Variants in GRIA1 observed in about 807,000 individuals in gnomAD.
The protein encoded by GRIA1 is glutamate ionotropic receptor AMPA type subunit 1.
In GRIA1, 31 loss-of-function variants were observed where a neutral mutation model predicts 99.2. The ratio of observed to expected loss-of-function variants is 0.31; its 90% confidence interval spans 0.23 to 0.42. GRIA1 has a LOEUF of 0.42. Ranked by LOEUF, GRIA1 falls within the 10% of genes least tolerant of loss-of-function variation. The pLI is 1.00. For missense variants in GRIA1, 782 were observed against 1,157.5 expected (o/e 0.68, Z 4.71); for synonymous variants, 438 against 432.4 (o/e 1.01, Z -0.16).
chr5:153,491,260 G>A (rs1287418673), intron 1 of GRIA1: 1 of 1,336,132 alleles, frequency 7.5e-7, no homozygotes, highest in African/African-American at 1.5e-5. Context: ...AAAAAATCAG[G>A]CTGGAAAGGG....
intron 2 of GRIA1, among the ~76,000 whole-genome samples, chr5:153,562,834 C>T (rs1410960330): frequency 2.0e-5 from 3 of 152,154 alleles, no homozygotes; most frequent in Non-Finnish European, 2.9e-5. Flanking sequence ...TCTCCATTTA[C>T]AATTTCTTAA....
intron 10 of GRIA1, among the ~76,000 whole-genome samples, chr5:153,699,990 G>C (rs887564522): frequency 6.6e-6 from 1 of 152,192 alleles, no homozygotes; most frequent in South Asian, 2.1e-4. Context: ...GTAAAAGGTA[G>C]TATAGAATAA....
chr5:153,631,534 C>T (rs1158821556), intron 2 of GRIA1, among the ~76,000 whole-genome samples: 2 of 152,060 alleles, frequency 1.3e-5, no homozygotes, highest in African/African-American at 4.8e-5. Flanking sequence ...GAAAGGCTAT[C>T]GGATGAATCA....
At chr5:153,715,644 T>C (rs1759617256) in intron 11 of GRIA1, among the ~76,000 whole-genome samples, 1 of 152,212 alleles carries the variant, frequency 6.6e-6, no homozygotes, top group Admixed American at 6.5e-5. Context: ...CTGTAAATGC[T>C]GTTGTTATTG....
At chr5:153,572,673 G>A (rs544584219) in intron 2 of GRIA1, among the ~76,000 whole-genome samples, 1 of 152,220 alleles carries the variant, frequency 6.6e-6, no homozygotes, top group South Asian at 2.1e-4. Context: ...TACCCTTATT[G>A]CATGATTTCA....
At chr5:153,756,894 T>C (rs943039299) in intron 11 of GRIA1, among the ~76,000 whole-genome samples, 2 of 152,180 alleles carry the variant, frequency 1.3e-5, no homozygotes, top group Admixed American at 6.5e-5. Context: ...AATTCTTCAA[T>C]GTAAAGAGAT....
chr5:153,787,972 C>T (rs937808346), intron 13 of GRIA1, among the ~76,000 whole-genome samples: 8 of 151,844 alleles, frequency 5.3e-5, no homozygotes, highest in African/African-American at 1.2e-4. Flanking sequence ...CCCAGCTACT[C>T]GGGAGGCTGA....
intron 5 of GRIA1, among the ~76,000 whole-genome samples, chr5:153,665,619 C>T (rs1472828764): frequency 3.3e-5 from 5 of 152,286 alleles, no homozygotes; most frequent in African/African-American, 7.2e-5. Flanking sequence ...CACAAATTCA[C>T]ACATATCCAT....
intron 2 of GRIA1, among the ~76,000 whole-genome samples, chr5:153,614,962 A>G (rs985979767): frequency 6.6e-6 from 1 of 152,226 alleles, no homozygotes; most frequent in African/African-American, 2.4e-5. Context: ...AGAAACATCA[A>G]GTGGGTTTAC....
chr5:153,592,637 C>G (rs891791938), intron 2 of GRIA1, among the ~76,000 whole-genome samples: 12 of 152,326 alleles, frequency 7.9e-5, no homozygotes, highest in African/African-American at 2.9e-4. Context: ...GATTCCAGCT[C>G]TCATAGGGGA....
chr5:153,738,957 G>A (rs1421590798), intron 11 of GRIA1, among the ~76,000 whole-genome samples: 2 of 151,622 alleles, frequency 1.3e-5, no homozygotes, highest in African/African-American at 4.9e-5. Context: ...CCCGACCTCA[G>A]GTGATCCACC....
intron 2 of GRIA1, among the ~76,000 whole-genome samples, chr5:153,596,045 C>A (rs1389765201): frequency 6.7e-6 from 1 of 149,870 alleles, no homozygotes; most frequent in African/African-American, 2.4e-5. Context: ...AAAAACAGGT[C>A]AACACTGTCA....
intron 2 of GRIA1, among the ~76,000 whole-genome samples, chr5:153,530,096 C>T (rs537238278): frequency 4.9e-4 from 74 of 152,170 alleles, no homozygotes; most frequent in Non-Finnish European, 7.1e-4. Context: ...CCCAGCTCTG[C>T]GGATGGTCTC....
rs530530792 is a variant in GRIA1 at position 153,665,851 on chromosome 5, T to A, written c.700-8649T>A. Among the ~76,000 whole-genome samples the A allele has an allele frequency of 2.6e-5, 4 of 152,312 alleles. No individual in the cohort carries two copies. In the South Asian group the frequency reaches 8.3e-4, roughly 32 times the overall value. ...GATTTAGGACCACATCTTTCTGCCTTTTCCCTAACCTAATATGGTAACTTC... is the reference window on the plus strand; with the variant it reads ...GATTTAGGACCACATCTTTCTGCCTATTCCCTAACCTAATATGGTAACTTC... On this transcript the variant is annotated intron_variant, in intron 5 of 15. Coordinates refer to ENST00000285900, the MANE Select transcript of GRIA1 (RefSeq NM_000827.4).
In GRIA1 at chr5:153,501,690, T is replaced by A. The variant is rs560010549; in HGVS notation, c.220+7625T>A. On this transcript the variant is annotated intron_variant, in intron 2 of 15. Transcript: ENST00000285900. The stretch of plus-strand genomic sequence containing the variant: ...CAATGGCCTTGTTTCTTTACTTCCA[T>A]CTCCAGTTTGGGATGGAGTCTGGCA... 2.6e-5 allele frequency among the ~76,000 whole-genome samples: 4 copies of A among 152,252 alleles called. No homozygotes were observed. The South Asian group carries it at 8.3e-4, about 32-fold the overall frequency.
intron 2 of GRIA1, among the ~76,000 whole-genome samples, chr5:153,538,746 T>C (rs1758810316): frequency 6.6e-6 from 1 of 152,168 alleles, no homozygotes. Flanking sequence ...TATTTCTCCC[T>C]CTAATTAGGT....
chr5:153,724,657 A>G (rs1561802758), intron 11 of GRIA1, among the ~76,000 whole-genome samples: 1 of 152,242 alleles, frequency 6.6e-6, no homozygotes, highest in Non-Finnish European at 1.5e-5. Flanking sequence ...GTGATGGAAG[A>G]TGAAATGAAT....
intron 5 of GRIA1, among the ~76,000 whole-genome samples, chr5:153,667,752 G>C (rs1451716849): frequency 6.6e-6 from 1 of 152,158 alleles, no homozygotes; most frequent in African/African-American, 2.4e-5. Context: ...ATAATTAATA[G>C]TCATAATGAT....
At chr5:153,743,313 A>G (rs1187997854) in intron 11 of GRIA1, among the ~76,000 whole-genome samples, 2 of 152,134 alleles carry the variant, frequency 1.3e-5, no homozygotes, top group Admixed American at 6.5e-5. Flanking sequence ...GACAACACCC[A>G]TATATTACCT....
Sources: gnomAD v4.1 joint callset for allele counts (sites outside exome capture counted in the v4.1 genomes callset) on GRCh38, gnomAD v4.1.1 for gene constraint, MANE v1.5 for transcripts, NCBI Gene and HGNC (gene_info 2026-07-23, HGNC 2026-07-21) for gene names.